Variants in DLG4 observed in about 807,000 individuals in gnomAD.
DLG4 encodes discs large MAGUK scaffold protein 4.
In DLG4, 7 loss-of-function variants were observed where a neutral mutation model predicts 93.8. That is an observed-to-expected ratio of 0.07 (90% confidence interval 0.04 to 0.14). The LOEUF (loss-of-function observed/expected upper bound fraction) is 0.14, where lower values mean the gene tolerates loss of function less well. Ranked by LOEUF, DLG4 falls within the 10% of genes least tolerant of loss-of-function variation. The pLI is 1.00. For synonymous variants in DLG4, 341 were observed against 387.6 expected, an observed-to-expected ratio of 0.88 and a Z score of 1.41; for missense variants, 545 against 992.9, an observed-to-expected ratio of 0.55 and a Z score of 6.06.
chr17:7,190,324 T>A lies in DLG4; in HGVS notation c.*384A>T. 1 of 269,484 alleles carries A rather than the reference T, an allele frequency of 3.7e-6. No homozygotes were observed. The highest frequency in any genetic ancestry group is 5.2e-5 in the South Asian group (1 of 19,058). The allele number at this position is 269,484 out of a possible 1,614,324, so 16.7% of individuals were successfully genotyped here. On this transcript the variant is annotated 3_prime_UTR_variant, in exon 20 of 20. Transcript: ENST00000399506. ...GAGAGCGGAGGCCTGTGGCCCTGCA[T>A]CCCTGCAGCGGGTGCTCCTCGAGGG...
At chr17:7,218,516 G>A (rs1163188940), upstream of DLG4, 3 of 1,550,956 alleles carry the variant, frequency 1.9e-6, no homozygotes, top group East Asian at 2.4e-5. Flanking sequence ...GGAGGCCCAG[G>A]TCCCTCAGAA....
chr17:7,201,478 C>A (rs904858124), intron 8 of DLG4, among the ~76,000 whole-genome samples: 3 of 152,298 alleles, frequency 2.0e-5, no homozygotes, highest in East Asian at 1.9e-4. Flanking sequence ...AACAACCCCC[C>A]ACAATGAAGA....
rs546399007 is a variant in DLG4 at position 7,208,084 on chromosome 17, G to T, written c.96+90C>A. On this transcript the variant is annotated intron_variant, in intron 2 of 19. Coordinates refer to ENST00000399506, the MANE Select transcript of DLG4 (RefSeq NM_001321075.3). This position sits in a 1 kb window ranked among gnomAD's most constrained non-coding sequence, Gnocchi z 5.4. ...CACCAGGGTCTCCTACCTTGAAGGG[G>T]GAGAGGTGGGCGTGGCCCACGACCC... The T allele has an allele frequency of 3.0e-6, 4 of 1,315,618 alleles. No homozygotes were observed. The highest frequency in any genetic ancestry group is 1.5e-5 in the African/African-American group (1 of 66,484). 81.5% of individuals were successfully genotyped at this position (1,315,618 alleles called of 1,614,324 possible).
Position 7,191,720 on chromosome 17 carries a change from A to T in DLG4, c.1976+173T>A, listed in dbSNP as rs927030683. ...TAGTCCTGTCTAGCCAAGGCAGGAG[A>T]GGAGGGGAAAGACCCGATTCCCCCA... On this transcript the variant is annotated intron_variant, in intron 18 of 19. Coordinates refer to ENST00000399506, the MANE Select transcript of DLG4 (RefSeq NM_001321075.3). The surrounding 1 kb of genome is among the most constrained non-coding windows in gnomAD (Gnocchi z 6.6). 24 of 564,420 alleles carry T rather than the reference A, an allele frequency of 4.3e-5. No individual in the cohort carries two copies. Among genetic ancestry groups the T allele is most frequent in the Non-Finnish European group, 7.3e-5 (23 of 313,508 alleles). The allele number at this position is 564,420 out of a possible 1,614,324, so 35.0% of individuals were successfully genotyped here. A position where few individuals can be genotyped will look rare whatever the true frequency, so the allele number is the denominator to read the frequency against.
At position 7,195,018 on chromosome 17, in the gene DLG4, C is replaced by CAAAAAA. The variant is rs1336744487; in HGVS notation, c.1302-529_1302-524dup. On this transcript the variant is annotated intron_variant, in intron 11 of 19. Coordinates refer to ENST00000399506, the MANE Select transcript of DLG4 (RefSeq NM_001321075.3). The surrounding 1 kb of genome is among the most constrained non-coding windows in gnomAD (Gnocchi z 4.3). ...TGGGCAACGGAGCGAGACACCGTCT[C>CAAAAAA]AAAAAAAAAAAAAAAGAAAAAGAAA... 8.3e-5 allele frequency among the ~76,000 whole-genome samples: 6 copies of CAAAAAA among 72,272 alleles called. No individual in the cohort carries two copies. The highest frequency in any genetic ancestry group is 1.6e-4 in the Admixed American group (1 of 6,074). 47.4% of individuals were successfully genotyped at this position (72,272 alleles called of 152,430 possible). A position where few individuals can be genotyped will look rare whatever the true frequency, so the allele number is the denominator to read the frequency against.
Position 7,204,218 on chromosome 17 carries a change from G to C in DLG4, c.131C>G (p.Thr44Ser). The change falls in exon 3 of 20, where the codon ACC becomes AGC. Residue 44 changes from threonine to serine, a missense_variant. Thr to Ser is a moderately conservative substitution (Grantham distance 58). Transcript: ENST00000399506. ...ACTCACATATCCTGGGGCTTCTAGG[G>C]TATCTGTGTTGACAATCACTGGGGG... ...NSPPVIVNTDTLEAPGYELQV... is the reference protein window; with the variant it reads ...NSPPVIVNTDSLEAPGYELQV... 1 of 1,603,676 alleles carries C rather than the reference G, an allele frequency of 6.2e-7. No homozygotes were observed. Among genetic ancestry groups the C allele is most frequent in the Non-Finnish European group, 8.5e-7 (1 of 1,173,362 alleles).
rs2070587791 is a variant in DLG4, at chr17:7,208,625, C to A, written c.31-386G>T. Among the ~76,000 whole-genome samples, 1 of 152,116 alleles carries A rather than the reference C, an allele frequency of 6.6e-6. No individual in the cohort carries two copies. The highest frequency in any genetic ancestry group is 1.5e-5 in the Non-Finnish European group (1 of 68,020). On this transcript the variant is annotated intron_variant, in intron 1 of 19. Coordinates refer to ENST00000399506, the MANE Select transcript of DLG4 (RefSeq NM_001321075.3). The surrounding 1 kb of genome is among the most constrained non-coding windows in gnomAD (Gnocchi z 5.4). ...GCTCTAGCCCCGACACTCACATCTCCATTCTCTGCCTCCAGTCCCCAACTT... is the reference window on the plus strand; with the variant it reads ...GCTCTAGCCCCGACACTCACATCTCAATTCTCTGCCTCCAGTCCCCAACTT...
chr17:7,190,386 G>C lies in DLG4; in HGVS notation c.*322C>G, dbSNP rs1332290793. ...CTGGAATGTGTGTGGGAGAGGATGG[G>C]GGAGGGCAGGTGGCCCCCGGTGGGT... On this transcript the variant is annotated 3_prime_UTR_variant, in exon 20 of 20. Coordinates refer to ENST00000399506, the MANE Select transcript of DLG4 (RefSeq NM_001321075.3). 2.7e-6 allele frequency: 1 copy of C among 377,168 alleles called. No homozygotes were observed. The allele number at this position is 377,168 out of a possible 1,614,324, so 23.4% of individuals were successfully genotyped here. A position where few individuals can be genotyped will look rare whatever the true frequency, so the allele number is the denominator to read the frequency against.
chr17:7,217,052 G>A, intron 1 of DLG4, 66 bp downstream of exon 1: 1 of 1,239,090 alleles, frequency 8.1e-7, no homozygotes, highest in African/African-American at 1.6e-5. Flanking sequence ...CCCAGATAAG[G>A]CCTACTAACC....
At position 7,194,351 on chromosome 17, in the gene DLG4, G is replaced by C. The variant is rs41283393; in HGVS notation, c.1446C>G (p.Thr482=). The part of the protein sequence containing the change: ...QARRVHSDSE[T]DDIGFIPSKR... ...TGCTGGGGATGAACCCAATGTCGTC[G>C]GTCTCACTGTCAGAGTGGACCCGCC... The change falls in exon 12 of 20, where the codon ACC becomes ACG. Residue 482 remains threonine (T), a synonymous_variant. Coordinates refer to ENST00000399506, the MANE Select transcript of DLG4 (RefSeq NM_001321075.3). The surrounding 1 kb of genome is among the most constrained non-coding windows in gnomAD (Gnocchi z 4.4). The C allele has an allele frequency of 1.9e-6, 3 of 1,607,350 alleles. No homozygotes were observed. The highest frequency in any genetic ancestry group is 2.5e-6 in the Non-Finnish European group (3 of 1,177,110).
At chr17:7,210,468 G>C (rs1205505847) in intron 1 of DLG4, among the ~76,000 whole-genome samples, 1 of 152,200 alleles carries the variant, frequency 6.6e-6, no homozygotes, top group Non-Finnish European at 1.5e-5. Flanking sequence ...ACAAAAAGTA[G>C]AGAAGGAAAA....
Position 7,203,650 on chromosome 17 carries a change from CT to C in DLG4, c.335+41del, listed in dbSNP as rs747430846. The C allele has an allele frequency of 3.1e-6, 5 of 1,612,076 alleles. No homozygotes were observed. The African/African-American group carries it at 5.3e-5, about 17-fold the overall frequency. On this transcript the variant is annotated intron_variant, in intron 5 of 19. Coordinates refer to ENST00000399506, the MANE Select transcript of DLG4 (RefSeq NM_001321075.3). The surrounding 1 kb of genome is among the most constrained non-coding windows in gnomAD (Gnocchi z 7.2). ...GCTTCCTGCTGCCCTGGCCCTCCCT[CT>C]CCAGGGACCAAGCAACCTAACCCCT...
chr17:7,212,295 C>T (rs1432850055), intron 1 of DLG4, among the ~76,000 whole-genome samples: 1 of 152,226 alleles, frequency 6.6e-6, no homozygotes, highest in African/African-American at 2.4e-5. Flanking sequence ...TCCAGCCCCA[C>T]CTGATAGGCA....
chr17:7,211,690 G>A (rs1305670723), intron 1 of DLG4: 29 of 977,050 alleles, frequency 3.0e-5, no homozygotes, highest in Non-Finnish European at 3.4e-5. Flanking sequence ...AATCTGTTCC[G>A]AGCCGACATG....
At chr17:7,200,001 G>GA (rs945775486) in intron 8 of DLG4, among the ~76,000 whole-genome samples, 2 of 148,174 alleles carry the variant, frequency 1.3e-5, no homozygotes, top group Admixed American at 6.7e-5. Context: ...AAAAAGAAAA[G>GA]AAAAAAAAAG....
Position 7,208,065 on chromosome 17 carries a change from G to C in DLG4, c.96+109C>G. ...GCCGCACTGGGGAGGGGGCCACCAG[G>C]GTCTCCTACCTTGAAGGGGGAGAGG... On this transcript the variant is annotated intron_variant, in intron 2 of 19. Transcript: ENST00000399506. The surrounding 1 kb of genome is among the most constrained non-coding windows in gnomAD (Gnocchi z 5.4). 1 of 1,308,372 alleles carries C rather than the reference G, an allele frequency of 7.6e-7. No homozygotes were observed. Among genetic ancestry groups the C allele is most frequent in the Non-Finnish European group, 9.8e-7 (1 of 1,020,946 alleles). The allele number at this position is 1,308,372 out of a possible 1,614,324, so 81.0% of individuals were successfully genotyped here.
upstream of DLG4, chr17:7,219,535 A>G: frequency 1.9e-6 from 2 of 1,073,396 alleles, no homozygotes; most frequent in Non-Finnish European, 2.3e-6. Context: ...GCCGAGATAG[A>G]TTTCATCAGG....
chr17:7,196,613 G>C lies in DLG4; in HGVS notation c.1084-38C>G. 6.2e-7 allele frequency: 1 copy of C among 1,610,728 alleles called. No individual in the cohort carries two copies. Reference sequence around the variant, plus strand: ...CGACAGGCTGTGTCACCAGAGACAGGAGGCAGCACTTCTGGGTCCAGGTGG... The same window carrying C: ...CGACAGGCTGTGTCACCAGAGACAGCAGGCAGCACTTCTGGGTCCAGGTGG... On this transcript the variant is annotated intron_variant, in intron 9 of 19. Transcript: ENST00000399506. The surrounding 1 kb of genome is among the most constrained non-coding windows in gnomAD (Gnocchi z 8.3).
At position 7,191,217 on chromosome 17, in the gene DLG4, T is replaced by C. The variant is rs1473726996; in HGVS notation, c.2068+50A>G. ...GGGGTGGCGGGGGAGCTCTTTCTAA[T>C]CCGAGCAAGGGCACCCTACATGCTG... is the stretch of plus-strand genomic sequence containing the variant. On this transcript the variant is annotated intron_variant, in intron 19 of 19. Transcript: ENST00000399506. The surrounding 1 kb of genome is among the most constrained non-coding windows in gnomAD (Gnocchi z 6.6). The C allele has an allele frequency of 3.2e-6, 5 of 1,579,384 alleles. No individual in the cohort carries two copies. Among genetic ancestry groups the C allele is most frequent in the Non-Finnish European group, 3.5e-6 (4 of 1,149,756 alleles).
Sources: gnomAD v4.1 joint callset for allele counts (sites outside exome capture counted in the v4.1 genomes callset) on GRCh38, gnomAD v4.1.1 for gene constraint, Gnocchi (gnomAD v3.1) non-coding constraint, MANE v1.5 for transcripts, NCBI Gene and HGNC (gene_info 2026-07-23, HGNC 2026-07-21) for gene names.